TMEM163: variants seen among roughly 807,000 people sequenced by gnomAD.
TMEM163 encodes the protein transmembrane protein 163.
TMEM163 carries 17 observed loss-of-function variants against 29.3 expected under a neutral mutation model. The observed-to-expected ratio is 0.58, with a 90% CI of 0.40 to 0.87. The LOEUF is 0.87. Ranked by LOEUF, TMEM163 falls within the 40% of genes least tolerant of loss-of-function variation. The pLI is 0.00. For synonymous variants in TMEM163, 157 were observed against 160.6 expected (o/e 0.98, Z 0.17); for missense variants, 303 against 381.5 (o/e 0.79, Z 1.71).
At chr2:134,594,892 T>A (rs1283939612) in intron 2 of TMEM163, among the ~76,000 whole-genome samples, 1 of 151,348 alleles carries the variant, frequency 6.6e-6, no homozygotes, top group Non-Finnish European at 1.5e-5. Flanking sequence ...TACTTCTCTC[T>A]CTCTCCTCTC....
intron 5 of TMEM163, among the ~76,000 whole-genome samples, chr2:134,495,905 T>C (rs926017473): frequency 6.6e-6 from 1 of 152,218 alleles, no homozygotes; most frequent in African/African-American, 2.4e-5. Context: ...TCTGTTTCCT[T>C]GTTCCCACCT....
At chr2:134,632,077 G>C (rs1341911020) in intron 2 of TMEM163, among the ~76,000 whole-genome samples, 1 of 152,168 alleles carries the variant, frequency 6.6e-6, no homozygotes, top group East Asian at 1.9e-4. Context: ...CTGGAAATCA[G>C]AGATACCATG....
chr2:134,587,003 T>C (rs1681836912), intron 2 of TMEM163, among the ~76,000 whole-genome samples: 1 of 151,982 alleles, frequency 6.6e-6, no homozygotes, highest in South Asian at 2.1e-4. Flanking sequence ...GGGGTCTAAT[T>C]AGGGTAAATC....
At chr2:134,687,598 G>A (rs1038304648) in intron 2 of TMEM163, among the ~76,000 whole-genome samples, 3 of 152,140 alleles carry the variant, frequency 2.0e-5, no homozygotes, top group Non-Finnish European at 2.9e-5. Context: ...GGCAAAACTC[G>A]TTCTTAAATG....
At chr2:134,714,833 A>C (rs1685003366) in intron 1 of TMEM163, among the ~76,000 whole-genome samples, 1 of 152,202 alleles carries the variant, frequency 6.6e-6, no homozygotes, top group Non-Finnish European at 1.5e-5. Context: ...AGGTACAAGT[A>C]ATTTAAATAA....
intron 4 of TMEM163, among the ~76,000 whole-genome samples, chr2:134,503,953 G>GA: frequency 1.3e-5 from 2 of 152,148 alleles, no homozygotes; most frequent in East Asian, 1.9e-4. Flanking sequence ...TGAAGAGGGA[G>GA]AAAAAAGATA....
At chr2:134,656,092 G>T (rs1465438564) in intron 2 of TMEM163, among the ~76,000 whole-genome samples, 1 of 143,602 alleles carries the variant, frequency 7.0e-6, no homozygotes, top group Non-Finnish European at 1.5e-5. Context: ...CGAGCTTCCT[G>T]GCTGCTTTGT....
intron 2 of TMEM163, among the ~76,000 whole-genome samples, chr2:134,646,179 G>T (rs1326841978): frequency 6.6e-6 from 1 of 151,652 alleles, no homozygotes; most frequent in East Asian, 1.9e-4. Context: ...CCACCTCCCA[G>T]GTTCAAAGGA....
intron 2 of TMEM163, among the ~76,000 whole-genome samples, chr2:134,658,482 T>C (rs1262578345): frequency 1.3e-5 from 2 of 152,128 alleles, no homozygotes; most frequent in Admixed American, 1.3e-4. Flanking sequence ...TTGTTCTGAG[T>C]ATTGGTATGA....
intron 5 of TMEM163, among the ~76,000 whole-genome samples, chr2:134,473,471 G>T (rs1686848865): frequency 6.6e-6 from 1 of 151,192 alleles, no homozygotes; most frequent in Admixed American, 6.6e-5. Context: ...GGAGGCAGAG[G>T]TTGCAGTGAC....
At chr2:134,488,415 T>C (rs976315272) in intron 5 of TMEM163, among the ~76,000 whole-genome samples, 1 of 152,206 alleles carries the variant, frequency 6.6e-6, no homozygotes, top group Non-Finnish European at 1.5e-5. Context: ...GCCTTCATCT[T>C]TCTCCCGTGC....
At chr2:134,699,338 T>C (rs911445441) in intron 2 of TMEM163, among the ~76,000 whole-genome samples, 1 of 152,130 alleles carries the variant, frequency 6.6e-6, no homozygotes, top group Non-Finnish European at 1.5e-5. Flanking sequence ...ACACTGTCTC[T>C]ACTAAAAATA....
chr2:134,589,249 A>G (rs1201743651), intron 2 of TMEM163, among the ~76,000 whole-genome samples: 1 of 152,202 alleles, frequency 6.6e-6, no homozygotes, highest in Non-Finnish European at 1.5e-5. Context: ...TGTTAAAGGC[A>G]TTTGAACCAG....
At chr2:134,583,382 T>C (rs948482029) in intron 2 of TMEM163, among the ~76,000 whole-genome samples, 5 of 152,190 alleles carry the variant, frequency 3.3e-5, no homozygotes, top group African/African-American at 9.7e-5. Context: ...ATTATTACCT[T>C]CTGGGCGCTT....
At chr2:134,496,193 C>A (rs1165987414) in intron 5 of TMEM163, among the ~76,000 whole-genome samples, 6 of 152,060 alleles carry the variant, frequency 3.9e-5, no homozygotes, top group Non-Finnish European at 8.8e-5. Flanking sequence ...TCCCAAGTAG[C>A]TGGGATTACA....
chr2:134,555,686 C>T (rs1399465258), intron 2 of TMEM163, among the ~76,000 whole-genome samples: 1 of 152,190 alleles, frequency 6.6e-6, no homozygotes, highest in Non-Finnish European at 1.5e-5. Context: ...AAAATGCATG[C>T]TTAGGATGCA....
Position 134,467,324 on chromosome 2 carries a change from T to C in TMEM163, c.556-1099A>G, listed in dbSNP as rs1686692450. ...TTGGGCTGGACTTAACAGACTCAAA[T>C]CTAACACAGAGTAGAGAAAGGGAAA... On this transcript the variant is annotated intron_variant, in intron 5 of 7. Coordinates refer to ENST00000281924, the MANE Select transcript of TMEM163 (RefSeq NM_030923.5). The C allele has an allele frequency of 3.3e-5, 5 of 151,846 alleles. No homozygotes were observed. In the South Asian group the frequency reaches 1.0e-3, roughly 32 times the overall value. 9.4% of individuals were successfully genotyped at this position (151,846 alleles called of 1,614,324 possible).
intron 4 of TMEM163, among the ~76,000 whole-genome samples, chr2:134,527,223 T>A (rs753679320): frequency 2.0e-5 from 3 of 152,164 alleles, no homozygotes; most frequent in Admixed American, 6.5e-5. Context: ...CTGACCCCTC[T>A]GCAAATCTAT....
chr2:134,674,340 A>ATTTTTT (rs72052495), intron 2 of TMEM163, among the ~76,000 whole-genome samples: 3 of 106,576 alleles, frequency 2.8e-5, no homozygotes, highest in African/African-American at 7.5e-5. Flanking sequence ...AGAGTCATTA[A>ATTTTTT]TTTTTTTTTT....
Sources: gnomAD v4.1 joint callset for allele counts (sites outside exome capture counted in the v4.1 genomes callset) on GRCh38, gnomAD v4.1.1 for gene constraint, MANE v1.5 for transcripts, NCBI Gene and HGNC (gene_info 2026-07-23, HGNC 2026-07-21) for gene names.